The following SMURF2 variants were observed in gnomAD, a reference collection of about 807,000 sequenced individuals.
SMURF2 encodes the protein E3 ubiquitin-protein ligase SMURF2.
A neutral mutation model predicts 109.6 loss-of-function variants in SMURF2; 48 were observed. The ratio of observed to expected loss-of-function variants is 0.44; its 90% CI spans 0.35 to 0.56. The LOEUF (loss-of-function observed/expected upper bound fraction) is 0.56. SMURF2 is among the 20% of genes least tolerant of loss of function. The pLI is 0.01. For synonymous variants in SMURF2, 288 were observed against 317.1 expected, an observed-to-expected ratio of 0.91 and a Z score of 0.97; for missense variants, 575 against 909.0, an observed-to-expected ratio of 0.63 and a Z score of 4.72.
chr17:64,586,332 T>C (rs1414502459), intron 5 of SMURF2, among the ~76,000 whole-genome samples, 162 bp from the exon 6 acceptor site: 1 of 152,240 alleles, frequency 6.6e-6, no homozygotes, highest in Non-Finnish European at 1.5e-5. Context: ...CCCATAGATT[T>C]TTCCCTTTAG....
chr17:64,657,250 T>C (rs1180681940), intron 1 of SMURF2, among the ~76,000 whole-genome samples: 1 of 152,140 alleles, frequency 6.6e-6, no homozygotes, highest in Non-Finnish European at 1.5e-5. Context: ...CAGTAATCTT[T>C]GAGTTGAGCC....
At chr17:64,615,928 C>G (rs1239841426) in intron 1 of SMURF2, among the ~76,000 whole-genome samples, 4 of 152,038 alleles carry the variant, frequency 2.6e-5, no homozygotes, top group African/African-American at 9.7e-5. Flanking sequence ...CTCCCAGGTT[C>G]AAGTGATTCT....
intron 3 of SMURF2, 42 bp from the exon 4 acceptor site, chr17:64,593,615 G>T: frequency 6.9e-7 from 1 of 1,445,174 alleles, no homozygotes; most frequent in Non-Finnish European, 9.2e-7. Flanking sequence ...GGTAGTTACA[G>T]GCAGTTGGCG....
intron 9 of SMURF2, among the ~76,000 whole-genome samples, chr17:64,576,706 A>G (rs1555686096): frequency 6.6e-6 from 1 of 152,050 alleles, no homozygotes; most frequent in Non-Finnish European, 1.5e-5. Context: ...TTTTCTAAAA[A>G]TGGAATTTTA....
At chr17:64,625,249 C>T (rs115199287) in intron 1 of SMURF2, among the ~76,000 whole-genome samples, 1,908 of 152,236 alleles carry the variant, frequency 0.013, 45 homozygotes, top group African/African-American at 0.043. Flanking sequence ...CTGAATGGGT[C>T]GCTTTCCTGT....
chr17:64,583,360 A>T, intron 7 of SMURF2, 101 bp downstream of exon 7: 1 of 964,232 alleles, frequency 1.0e-6, no homozygotes, highest in Non-Finnish European at 1.6e-6. Flanking sequence ...TACGACAGCA[A>T]AAACCAAGAA....
chr17:64,563,876 GA>G (rs1176904209), intron 10 of SMURF2, among the ~76,000 whole-genome samples: 1 of 152,160 alleles, frequency 6.6e-6, no homozygotes, highest in African/African-American at 2.4e-5. Context: ...CTGGTAGCTA[GA>G]ACTACAGGCA....
intron 2 of SMURF2, among the ~76,000 whole-genome samples, chr17:64,605,017 C>T (rs1012563954): frequency 6.6e-6 from 1 of 151,714 alleles, no homozygotes; most frequent in Admixed American, 6.6e-5. Context: ...TGCCACTTTG[C>T]AAGCCCACTA....
intron 10 of SMURF2, among the ~76,000 whole-genome samples, chr17:64,567,890 T>C (rs1555685187): frequency 7.1e-6 from 1 of 141,670 alleles, no homozygotes; most frequent in Admixed American, 7.3e-5. Flanking sequence ...AGTTTCGCTC[T>C]ATTGCCAGGC....
At chr17:64,626,128 G>T (rs1389179760) in intron 1 of SMURF2, among the ~76,000 whole-genome samples, 4 of 151,792 alleles carry the variant, frequency 2.6e-5, no homozygotes, top group Non-Finnish European at 4.4e-5. Flanking sequence ...ACATGGTGGT[G>T]TGCACCTGTA....
At chr17:64,626,937 A>C (rs1387567843) in intron 1 of SMURF2, among the ~76,000 whole-genome samples, 9 of 151,394 alleles carry the variant, frequency 5.9e-5, no homozygotes, top group African/African-American at 2.2e-4. Context: ...TCCCCTAAAA[A>C]AAAAAAACAA....
chr17:64,579,243 G>A (rs907808767), intron 8 of SMURF2, among the ~76,000 whole-genome samples: 5 of 151,836 alleles, frequency 3.3e-5, no homozygotes, highest in South Asian at 2.1e-4. Flanking sequence ...CCAGGGTGAA[G>A]AGAACAATCT....
At chr17:64,556,082 C>T in intron 13 of SMURF2, 84 bp from the exon 14 acceptor site, 1 of 1,044,832 alleles carries the variant, frequency 9.6e-7, no homozygotes, top group Non-Finnish European at 1.4e-6. Context: ...CAACATTAAT[C>T]TTTTTGAGAA....
chr17:64,620,204 T>A (rs892246734), intron 1 of SMURF2, among the ~76,000 whole-genome samples: 2 of 152,304 alleles, frequency 1.3e-5, no homozygotes, highest in African/African-American at 4.8e-5. Context: ...TATCTCCATT[T>A]CCAGTGTTCA....
intron 15 of SMURF2, 49 bp from the exon 16 acceptor site, chr17:64,551,753 TG>T (rs782799578): frequency 6.8e-5 from 109 of 1,603,718 alleles, no homozygotes; most frequent in Non-Finnish European, 9.1e-5. Context: ...TTTTCAGATC[TG>T]GTAATTATTA....
Position 64,566,561 on chromosome 17 carries a change from G to GTTTGTTTTTTTTT in SMURF2, c.1017-3596_1017-3595insAAAAAAAAACAAA, listed in dbSNP as rs1969305868. On this transcript the variant is annotated intron_variant, in intron 10 of 18. Transcript: ENST00000262435. ...GATGTAGAAATGCTTAAGCTTTCTGGTTTTTTTTTTTTTTTTTTTTTTTTT... is the reference window on the plus strand; with the variant it reads ...GATGTAGAAATGCTTAAGCTTTCTGGTTTGTTTTTTTTTTTTTTTTTTTTTTTTTTTTTTTTTT... Among the ~76,000 whole-genome samples, 108 of 43,800 alleles carry GTTTGTTTTTTTTT rather than the reference G, an allele frequency of 2.5e-3. 11 individuals are homozygous for GTTTGTTTTTTTTT. Among genetic ancestry groups the GTTTGTTTTTTTTT allele is most frequent in the African/African-American group, 7.7e-3 (102 of 13,308 alleles). The allele number at this position is 43,800 out of a possible 152,430, so 28.7% of individuals were successfully genotyped here.
intron 3 of SMURF2, among the ~76,000 whole-genome samples, chr17:64,594,350 T>C (rs1312982793): frequency 6.6e-5 from 10 of 152,178 alleles, no homozygotes; most frequent in African/African-American, 2.4e-4. Flanking sequence ...ATTCACCTAG[T>C]ATACAGAAAA....
intron 1 of SMURF2, among the ~76,000 whole-genome samples, chr17:64,615,841 C>CT (rs199805180): frequency 0.024 from 3,533 of 148,810 alleles, 59 homozygotes; most frequent in African/African-American, 0.046. Context: ...AAATAATTTC[C>CT]TTTTTTTTTT....
intron 1 of SMURF2, among the ~76,000 whole-genome samples, chr17:64,617,480 T>G (rs1203230542): frequency 1.3e-5 from 2 of 152,072 alleles, no homozygotes; most frequent in East Asian, 3.9e-4. Context: ...CTCAGAAAAT[T>G]TATTATATTT....
Sources: allele counts gnomAD v4.1 joint callset (sites outside exome capture counted in the v4.1 genomes callset), GRCh38; gene constraint gnomAD v4.1.1; transcripts MANE v1.5; gene names NCBI Gene and HGNC (gene_info 2026-07-23, HGNC 2026-07-21).